Variants in DACT2 observed in about 807,000 individuals in gnomAD.
DACT2 encodes the protein dishevelled binding antagonist of beta catenin 2.
Under a neutral mutation model 22.2 loss-of-function variants are expected in DACT2, and 20 were observed. That is an observed-to-expected ratio of 0.90 (90% CI 0.63 to 1.31). DACT2 has a LOEUF of 1.31. Ranked by LOEUF, DACT2 falls within the 50% of genes most tolerant of loss-of-function variation. DACT2 has a pLI of 0.00. For missense variants in DACT2, 1,048 were observed against 1,061.4 expected, an observed-to-expected ratio of 0.99 and a Z score of 0.18; for synonymous variants, 463 against 479.8, an observed-to-expected ratio of 0.96 and a Z score of 0.46.
intron 2 of DACT2, among the ~76,000 whole-genome samples, 177 bp downstream of exon 2, chr6:168,310,975 G>A (rs1250058296): frequency 6.6e-6 from 1 of 152,202 alleles, no homozygotes; most frequent in Non-Finnish European, 1.5e-5. Flanking sequence ...CCCTGAGAAA[G>A]GCTTCAGTGT....
chr6:168,299,727 A>G (rs1350421399), intron 3 of DACT2: 2 of 152,302 alleles, frequency 1.3e-5, no homozygotes, highest in African/African-American at 4.8e-5. Flanking sequence ...ACTCCTGGGC[A>G]CTGCCCAGCT....
chr6:168,301,060 G>A (rs187659008), intron 3 of DACT2, among the ~76,000 whole-genome samples: 27 of 152,354 alleles, frequency 1.8e-4, no homozygotes, highest in Non-Finnish European at 3.4e-4. Flanking sequence ...TTCTTGCTGG[G>A]GATGAAGAAG....
At chr6:168,316,074 C>T (rs1421623625) in intron 1 of DACT2, among the ~76,000 whole-genome samples, 1 of 152,190 alleles carries the variant, frequency 6.6e-6, no homozygotes, top group Non-Finnish European at 1.5e-5. Context: ...CTTCTGGTCC[C>T]CACATTAAAA....
rs374912274 is a variant in DACT2 at position 168,314,215 on chromosome 6, G to C, written c.247-2931C>G. 2.0e-5 allele frequency among the ~76,000 whole-genome samples: 3 copies of C among 152,196 alleles called. No homozygotes were observed. In the South Asian group the frequency reaches 6.2e-4, roughly 32 times the overall value. The stretch of plus-strand genomic sequence containing the variant: ...ACCGACTCACTCCACAGCAGCAAGC[G>C]AGCCCTGGATGGCCGTGCTCCACTT... On this transcript the variant is annotated intron_variant, in intron 1 of 3. Transcript: ENST00000366795.
In DACT2 at chr6:168,308,545, C is replaced by A. The variant is rs912842538; in HGVS notation, c.1212G>T (p.Gln404His). ...QSRGAGRGGPQQQGYMPLEGP... is the reference protein window; with the variant it reads ...QSRGAGRGGPHQQGYMPLEGP... ...CCTCAAGGGGCATGTATCCCTGCTGCTGGGGCCCGCCCCTGCCGGCACCCC... is the reference window on the plus strand; with the variant it reads ...CCTCAAGGGGCATGTATCCCTGCTGATGGGGCCCGCCCCTGCCGGCACCCC... The change falls in exon 4 of 4, where the codon CAG (glutamine) becomes CAT (histidine). Residue 404 changes from glutamine (Q) to histidine (H), a missense_variant. Transcript: ENST00000366795. 1.7e-5 allele frequency: 27 copies of A among 1,550,422 alleles called. No homozygotes were observed. The highest frequency in any genetic ancestry group is 2.3e-5 in the Non-Finnish European group (26 of 1,146,970).
At position 168,294,059 on chromosome 6, in the gene DACT2, C is replaced by T. The variant is rs146313648; in HGVS notation, c.795+74G>A. ...GTCCCCACAGAGCACCCACGATGCC[C>T]ATGAGCACAGACCCGCGATGGCAGT... On this transcript the variant is annotated intron_variant, in intron 5 of 5. Transcript: ENST00000366796. The T allele has an allele frequency of 3.4e-5, 24 of 703,056 alleles. 1 individual carries two copies. Among genetic ancestry groups the T allele is most frequent in the African/African-American group, 1.4e-4 (8 of 57,352 alleles). The allele number at this position is 703,056 out of a possible 1,614,324, so 43.6% of individuals were successfully genotyped here. A position where few individuals can be genotyped will look rare whatever the true frequency, so the allele number is the denominator to read the frequency against.
At chr6:168,310,124 C>T in intron 3 of DACT2, 44 bp downstream of exon 3, 1 of 1,544,180 alleles carries the variant, frequency 6.5e-7, no homozygotes. Flanking sequence ...CTGCCATCCC[C>T]TGTGCCTGAG....
intron 2 of DACT2, 69 bp from the exon 3 acceptor site, chr6:168,310,515 A>G: frequency 1.3e-6 from 2 of 1,510,268 alleles, no homozygotes; most frequent in Non-Finnish European, 1.8e-6. Flanking sequence ...TCTCCTCCTG[A>G]GCTTGTCACG....
intron 1 of DACT2, among the ~76,000 whole-genome samples, chr6:168,312,071 AGAAGAAGTAGCATTTTGAACTGTTACAG>A (rs1718838111): frequency 6.6e-6 from 1 of 152,044 alleles, no homozygotes; most frequent in Non-Finnish European, 1.5e-5. Flanking sequence ...CTTCCCTGAT[AGAAGAAGTAGCATTTTGAACTGTTACAG>A]GCTTCGGCAG....
At chr6:168,299,332 GCTT>G (rs1304283307) in intron 3 of DACT2, 2 of 152,146 alleles carry the variant, frequency 1.3e-5, no homozygotes, top group Admixed American at 6.5e-5. Flanking sequence ...AAGCACCTGT[GCTT>G]CTGTGATCTT....
chr6:168,309,893 G>A (rs1779349654), intron 3 of DACT2, among the ~76,000 whole-genome samples: 1 of 152,174 alleles, frequency 6.6e-6, no homozygotes, highest in African/African-American at 2.4e-5. Context: ...TGGATCCAGG[G>A]TTTTTGAAGG....
exon 6 of DACT2, chr6:168,293,762 G>A (rs1029829419): frequency 8.9e-6 from 6 of 673,526 alleles, no homozygotes; most frequent in African/African-American, 5.3e-5. Flanking sequence ...TCACTGTGGG[G>A]AAAGCAGAGT....
intron 2 of DACT2, 79 bp downstream of exon 2, chr6:168,311,073 G>A: frequency 1.4e-6 from 2 of 1,408,264 alleles, no homozygotes; most frequent in East Asian, 2.6e-5. Context: ...CAGCCCAAGA[G>A]GGGCTGGCGG....
downstream of DACT2, among the ~76,000 whole-genome samples, chr6:168,306,431 C>T (rs1350045735): frequency 6.6e-6 from 1 of 150,944 alleles, no homozygotes; most frequent in Non-Finnish European, 1.5e-5. Flanking sequence ...TTCCCCAAAA[C>T]ACTTTTATGC....
At chr6:168,313,654 A>C (rs1562499507) in intron 1 of DACT2, among the ~76,000 whole-genome samples, 1 of 152,248 alleles carries the variant, frequency 6.6e-6, no homozygotes, top group East Asian at 1.9e-4. Context: ...CATGGTACTG[A>C]CAGAAAATTA....
chr6:168,314,436 A>G (rs920120767), intron 1 of DACT2, among the ~76,000 whole-genome samples: 2 of 152,194 alleles, frequency 1.3e-5, no homozygotes, highest in Non-Finnish European at 2.9e-5. Flanking sequence ...TCGTTTCTTG[A>G]GACTCTACCA....
At chr6:168,318,950 C>A (rs1483866265) in intron 1 of DACT2, among the ~76,000 whole-genome samples, 2 of 138,126 alleles carry the variant, frequency 1.4e-5, no homozygotes, top group African/African-American at 2.8e-5. Context: ...TGCCCCTAAC[C>A]CAAGACAGCA....
At chr6:168,319,345 C>A (rs1002840147) in intron 1 of DACT2, 43 bp downstream of exon 1, 70 of 1,189,756 alleles carry the variant, frequency 5.9e-5, no homozygotes, top group Non-Finnish European at 7.2e-5. Flanking sequence ...GCGCCTGTGG[C>A]CCGCACACCT....
Position 168,310,174 on chromosome 6 carries a change from A to C in DACT2, c.652T>G (p.Ser218Ala), listed in dbSNP as rs1583298918. The change falls in exon 3 of 4, where the codon TCT becomes GCT. Residue 218 changes from serine to alanine, a missense_variant. Coordinates refer to ENST00000366795, the MANE Select transcript of DACT2 (RefSeq NM_214462.5). ...PWGTFWPRPV[S>A]TGDLDRALPA... ...TTCCCTGGCAGTTTCTTACCTGTAG[A>C]CACAGGCCTGGGCCAGAATGTGCCC... 1 of 1,549,676 alleles carries C rather than the reference A, an allele frequency of 6.5e-7. No homozygotes were observed. Among genetic ancestry groups the C allele is most frequent in the East Asian group, 2.4e-5 (1 of 40,894 alleles).
Sources: allele counts gnomAD v4.1 joint callset (sites outside exome capture counted in the v4.1 genomes callset), GRCh38; gene constraint gnomAD v4.1.1; transcripts MANE v1.5; gene names NCBI Gene and HGNC (gene_info 2026-07-23, HGNC 2026-07-21).